The following LYRM4 variants were observed in gnomAD, a reference collection of about 807,000 sequenced individuals.
LYRM4 encodes LYR motif-containing protein 4.
LYRM4 carries 9 observed loss-of-function variants against 11.7 expected under a neutral mutation model. That is an observed-to-expected ratio of 0.77 (90% CI 0.46 to 1.34). The LOEUF is 1.34. LYRM4 is among the 40% of genes most tolerant of loss of function. The pLI is 0.00. For missense variants in LYRM4, 133 were observed against 112.5 expected, an observed-to-expected ratio of 1.18 and a Z score of -0.82; for synonymous variants, 42 against 40.4, an observed-to-expected ratio of 1.04 and a Z score of -0.15.
chr6:5,239,235 C>T (rs1337148704), intron 1 of LYRM4, among the ~76,000 whole-genome samples: 2 of 152,134 alleles, frequency 1.3e-5, no homozygotes, highest in Admixed American at 6.5e-5. Flanking sequence ...GACCTACTGA[C>T]TACGGTAAAG....
At chr6:5,086,619 C>A in the LYRM4 span, 1 of 1,359,880 alleles carries the variant, frequency 7.4e-7, no homozygotes, top group Middle Eastern at 2.0e-4. Context: ...GGAGCTCGGG[C>A]TGCCGCCTCA....
At chr6:5,070,368 T>TG in the LYRM4 span, among the ~76,000 whole-genome samples, 2 of 152,186 alleles carry the variant, frequency 1.3e-5, no homozygotes, top group East Asian at 3.9e-4. Context: ...TGAAAATGGG[T>TG]GGGCACAAAA....
intron 2 of LYRM4, among the ~76,000 whole-genome samples, chr6:5,198,523 G>A (rs1007440294): frequency 6.6e-6 from 1 of 152,180 alleles, no homozygotes; most frequent in African/African-American, 2.4e-5. Flanking sequence ...TGTCCATCTG[G>A]AGGTCATTCT....
At chr6:5,116,898 C>T (rs139027648) in intron 2 of LYRM4, among the ~76,000 whole-genome samples, 54 of 152,312 alleles carry the variant, frequency 3.5e-4, no homozygotes, top group Admixed American at 7.2e-4. Context: ...TTCACCGCTT[C>T]CTCTTCTGAA....
chr6:5,161,308 A>G (rs953968229), intron 2 of LYRM4, among the ~76,000 whole-genome samples: 6 of 152,230 alleles, frequency 3.9e-5, no homozygotes, highest in Non-Finnish European at 8.8e-5. Flanking sequence ...AGAAACAGAA[A>G]AATATAAGAA....
chr6:5,245,140 A>G (rs1342481619), intron 1 of LYRM4, among the ~76,000 whole-genome samples: 3 of 97,926 alleles, frequency 3.1e-5, no homozygotes, highest in Non-Finnish European at 6.3e-5. Flanking sequence ...ATATATATAT[A>G]TATATATATA....
the LYRM4 span, among the ~76,000 whole-genome samples, chr6:5,055,717 G>C: frequency 6.6e-6 from 1 of 152,120 alleles, no homozygotes; most frequent in Non-Finnish European, 1.5e-5. This position sits in a 1 kb window ranked among gnomAD's most constrained non-coding sequence, Gnocchi z 4.5. Flanking sequence ...TTCTAAGTGG[G>C]AGAAAGGATC....
At position 5,260,922 on chromosome 6, in the gene LYRM4, C is replaced by T. The variant is rs563920869; in HGVS notation, c.-189G>A. ...GCGGACGGCGCCAGGCGTCCCGCGC[C>T]GCTTCGGGGGCGGGCGCAGGCAGGG... is the stretch of plus-strand genomic sequence containing the variant. On this transcript the variant is annotated 5_prime_UTR_variant, in exon 1 of 3. Coordinates refer to ENST00000330636, the MANE Select transcript of LYRM4 (RefSeq NM_020408.6). 5 of 1,360,724 alleles carry T rather than the reference C, an allele frequency of 3.7e-6. No individual in the cohort carries two copies. In the African/African-American group the frequency reaches 6.2e-5, roughly 17 times the overall value. 84.3% of individuals were successfully genotyped at this position (1,360,724 alleles called of 1,614,324 possible).
At chr6:5,214,653 A>C (rs997416933) in intron 2 of LYRM4, among the ~76,000 whole-genome samples, 1 of 151,846 alleles carries the variant, frequency 6.6e-6, no homozygotes, top group Non-Finnish European at 1.5e-5. Context: ...AAGAATACAG[A>C]CTCTCCACCT....
chr6:5,047,247 T>C, the LYRM4 span, among the ~76,000 whole-genome samples: 1 of 152,226 alleles, frequency 6.6e-6, no homozygotes, highest in Non-Finnish European at 1.5e-5. Flanking sequence ...AACATATTTC[T>C]GAGTATACTT....
chr6:5,060,787 C>G, the LYRM4 span, among the ~76,000 whole-genome samples: 1 of 152,164 alleles, frequency 6.6e-6, no homozygotes, highest in African/African-American at 2.4e-5. Context: ...GTCAGCCTCC[C>G]AAAGTGCTAG....
intron 1 of LYRM4, among the ~76,000 whole-genome samples, chr6:5,220,360 A>G (rs1377920775): frequency 6.6e-6 from 1 of 152,082 alleles, no homozygotes; most frequent in African/African-American, 2.4e-5. Flanking sequence ...AATGCCTTTC[A>G]TTTCTGTCAT....
chr6:5,245,144 A>G lies in LYRM4; in HGVS notation c.86+15504T>C, dbSNP rs1392107002. Among the ~76,000 whole-genome samples, 212 of 101,718 alleles carry G rather than the reference A, an allele frequency of 2.1e-3. 5 individuals are homozygous for G. Among genetic ancestry groups the G allele is most frequent in the Non-Finnish European group, 3.5e-3 (169 of 48,956 alleles). The allele number at this position is 101,718 out of a possible 152,430, so 66.7% of individuals were successfully genotyped here. On this transcript the variant is annotated intron_variant, in intron 1 of 2. Transcript: ENST00000330636. Reference sequence around the variant, plus strand: ...TATATATATATATATATATATATATATATATATATATATATATATAAAATA... The same window carrying G: ...TATATATATATATATATATATATATGTATATATATATATATATATAAAATA...
chr6:5,194,761 T>C (rs1337538062), intron 2 of LYRM4, among the ~76,000 whole-genome samples: 1 of 152,244 alleles, frequency 6.6e-6, no homozygotes, highest in African/African-American at 2.4e-5. Flanking sequence ...TCTCACTCTG[T>C]TGTCCAGGCT....
At chr6:5,085,709 A>C in the LYRM4 span, 2 of 1,546,884 alleles carry the variant, frequency 1.3e-6, no homozygotes, top group Non-Finnish European at 1.7e-6. Flanking sequence ...GAGCTGCTGG[A>C]ATGCCGCCGC....
intron 1 of LYRM4, among the ~76,000 whole-genome samples, chr6:5,248,556 G>A (rs1325329298): frequency 6.6e-6 from 1 of 152,226 alleles, no homozygotes; most frequent in Non-Finnish European, 1.5e-5. Context: ...AACACAGAGT[G>A]CTAGTAGTTC....
chr6:5,169,080 C>T (rs1197070798), intron 2 of LYRM4, among the ~76,000 whole-genome samples: 1 of 152,018 alleles, frequency 6.6e-6, no homozygotes. Flanking sequence ...GTGCATTTGG[C>T]TTGTTCTTTT....
intron 2 of LYRM4, among the ~76,000 whole-genome samples, chr6:5,177,720 T>G (rs1468152099): frequency 6.6e-6 from 1 of 152,222 alleles, no homozygotes; most frequent in Non-Finnish European, 1.5e-5. Context: ...TGCTGTGACT[T>G]GTTATCTTCT....
the LYRM4 span, among the ~76,000 whole-genome samples, chr6:5,037,028 T>TTA: frequency 9.5e-4 from 11 of 11,616 alleles, 4 homozygotes; most frequent in South Asian, 0.015. Flanking sequence ...TTTTTTTTTT[T>TTA]ATTGATCATT....
Sources: gnomAD v4.1 joint callset for allele counts (sites outside exome capture counted in the v4.1 genomes callset) on GRCh38, gnomAD v4.1.1 for gene constraint, Gnocchi (gnomAD v3.1) non-coding constraint, MANE v1.5 for transcripts, NCBI Gene and HGNC (gene_info 2026-07-23, HGNC 2026-07-21) for gene names.